MYO9A: variants seen among roughly 807,000 people sequenced by gnomAD.
The protein encoded by MYO9A is unconventional myosin-IXa.
In MYO9A, 103 loss-of-function variants were observed where a neutral mutation model predicts 293.3. The ratio of observed to expected loss-of-function variants is 0.35; its 90% CI spans 0.30 to 0.41. The LOEUF is 0.41. Ranked by LOEUF, MYO9A falls within the 10% of genes least tolerant of loss-of-function variation. The pLI is 1.00. For missense variants in MYO9A, 2,685 were observed against 3,033.0 expected (o/e 0.89, Z 2.69); for synonymous variants, 1,001 against 1,035.7 (o/e 0.97, Z 0.64).
intron 15 of MYO9A, among the ~76,000 whole-genome samples, chr15:71,944,260 A>C (rs577251537): frequency 1.3e-5 from 2 of 152,256 alleles, no homozygotes; most frequent in East Asian, 3.9e-4. Context: ...TATGAATATT[A>C]CAAATTGTAA....
intron 11 of MYO9A, among the ~76,000 whole-genome samples, chr15:71,983,558 C>T (rs1445150537): frequency 7.3e-6 from 1 of 136,530 alleles, no homozygotes; most frequent in Non-Finnish European, 1.5e-5. Context: ...CTCACTGGAA[C>T]TTCCGCGAAC....
intron 11 of MYO9A, among the ~76,000 whole-genome samples, chr15:71,982,874 AG>A (rs1339417675): frequency 6.6e-6 from 1 of 152,248 alleles, no homozygotes; most frequent in Non-Finnish European, 1.5e-5. Flanking sequence ...CTACTTCCCA[AG>A]GAAGTGAATA....
At chr15:71,955,984 A>G (rs1236981420) in intron 14 of MYO9A, among the ~76,000 whole-genome samples, 1 of 152,016 alleles carries the variant, frequency 6.6e-6, no homozygotes, top group Non-Finnish European at 1.5e-5. Context: ...ATTCCATATT[A>G]CAAATATGGA....
At chr15:71,927,550 T>C (rs2058345780) in intron 18 of MYO9A, among the ~76,000 whole-genome samples, 1 of 152,256 alleles carries the variant, frequency 6.6e-6, no homozygotes, top group African/African-American at 2.4e-5. Context: ...TCAAATCCCA[T>C]GGCCGGCCCT....
intron 35 of MYO9A, among the ~76,000 whole-genome samples, 197 bp downstream of exon 35, chr15:71,854,180 A>G (rs2055771233): frequency 6.6e-6 from 1 of 152,214 alleles, no homozygotes; most frequent in Non-Finnish European, 1.5e-5. Flanking sequence ...TTATATGCTC[A>G]ATATATGTCT....
At chr15:71,940,831 G>C (rs1174093020) in intron 15 of MYO9A, among the ~76,000 whole-genome samples, 2 of 152,082 alleles carry the variant, frequency 1.3e-5, no homozygotes, top group Non-Finnish European at 2.9e-5. Flanking sequence ...TCTTCAAGGA[G>C]GATGGCTTGA....
intron 1 of MYO9A, among the ~76,000 whole-genome samples, chr15:72,113,365 G>A (rs1567055396): frequency 6.6e-6 from 1 of 152,158 alleles, no homozygotes; most frequent in African/African-American, 2.4e-5. Flanking sequence ...GTGGAAATCA[G>A]GGAAATAGAA....
chr15:71,930,094 TGCTGGCCAGGCATGGTG>T (rs2058433791), intron 18 of MYO9A, among the ~76,000 whole-genome samples: 1 of 152,212 alleles, frequency 6.6e-6, no homozygotes, highest in East Asian at 1.9e-4. Context: ...GAATTTCTAT[TGCTGGCCAGGCATGGTG>T]GCTCAATGCC....
At position 71,956,506 on chromosome 15, in the gene MYO9A, C is replaced by T. The variant is rs551601244; in HGVS notation, c.2182+3395G>A. Among the ~76,000 whole-genome samples, 18 of 149,646 alleles carry T rather than the reference C, an allele frequency of 1.2e-4. No individual in the cohort carries two copies. The East Asian group carries it at 3.3e-3, about 28-fold the overall frequency. ...ATACAAAAATATAAAAATAGCCAGG[C>T]ATGGTGACGAGTGCCTGTAGTCCCA... On this transcript the variant is annotated intron_variant, in intron 14 of 41. Transcript: ENST00000356056.
At chr15:71,959,766 A>G (rs1596284657) in intron 14 of MYO9A, 135 bp downstream of exon 14, 1 of 722,692 alleles carries the variant, frequency 1.4e-6, no homozygotes, top group East Asian at 2.7e-5. Context: ...AGATGACACT[A>G]GATTGACTAC....
At chr15:72,004,996 C>G (rs1046709563) in intron 8 of MYO9A, among the ~76,000 whole-genome samples, 1 of 152,158 alleles carries the variant, frequency 6.6e-6, no homozygotes, top group South Asian at 2.1e-4. Context: ...TCTTTGTACT[C>G]TATCTCAACC....
intron 1 of MYO9A, among the ~76,000 whole-genome samples, chr15:72,062,847 A>T (rs1360018151): frequency 6.6e-6 from 1 of 152,182 alleles, no homozygotes; most frequent in Non-Finnish European, 1.5e-5. Flanking sequence ...GAGAGATCCC[A>T]TCTCTACAAG....
At chr15:72,009,474 T>C (rs569576146) in intron 7 of MYO9A, among the ~76,000 whole-genome samples, 2 of 151,836 alleles carry the variant, frequency 1.3e-5, no homozygotes, top group South Asian at 4.2e-4. Context: ...CTGGTAATCC[T>C]AGCACTTTCA....
At chr15:72,034,723 T>C (rs528410560) in intron 2 of MYO9A, among the ~76,000 whole-genome samples, 25 of 152,218 alleles carry the variant, frequency 1.6e-4, no homozygotes, top group Non-Finnish European at 3.2e-4. Flanking sequence ...CATTTAAGTG[T>C]CAAATGCATT....
At chr15:71,836,360 C>G (rs946314090) in intron 39 of MYO9A, among the ~76,000 whole-genome samples, 9 of 151,980 alleles carry the variant, frequency 5.9e-5, no homozygotes, top group Admixed American at 5.2e-4. Context: ...ATTAAGGAAT[C>G]TGGCAAAAGA....
At chr15:71,850,593 T>C (rs573714492) in intron 37 of MYO9A, among the ~76,000 whole-genome samples, 1 of 136,216 alleles carries the variant, frequency 7.3e-6, no homozygotes, top group East Asian at 2.2e-4. Flanking sequence ...GGCAAAACCT[T>C]GTCTCTACTA....
chr15:71,828,814 C>CG (rs1317268285), intron 40 of MYO9A, among the ~76,000 whole-genome samples: 1 of 152,204 alleles, frequency 6.6e-6, no homozygotes, highest in Non-Finnish European at 1.5e-5. Flanking sequence ...TCTACTTTAT[C>CG]TAAGCTACTT....
intron 11 of MYO9A, among the ~76,000 whole-genome samples, chr15:71,986,877 T>C (rs2076420692): frequency 6.6e-6 from 1 of 152,154 alleles, no homozygotes; most frequent in South Asian, 2.1e-4. Context: ...GTTTATAAAG[T>C]CTAACTAGTG....
At chr15:72,003,243 TGG>T (rs1240668772) in intron 8 of MYO9A, among the ~76,000 whole-genome samples, 1 of 141,242 alleles carries the variant, frequency 7.1e-6, no homozygotes, top group East Asian at 2.0e-4. Flanking sequence ...CACTGTAGCC[TGG>T]GCAACAAGAG....
Sources: allele counts gnomAD v4.1 joint callset (sites outside exome capture counted in the v4.1 genomes callset), GRCh38; gene constraint gnomAD v4.1.1; transcripts MANE v1.5; gene names NCBI Gene and HGNC (gene_info 2026-07-23, HGNC 2026-07-21).